The following DNAAF4 variants were observed in gnomAD, a reference collection of about 807,000 sequenced individuals.
DNAAF4 encodes the protein dynein axonemal assembly factor 4.
DNAAF4 carries 43 observed loss-of-function variants against 51.8 expected under a neutral mutation model. The observed-to-expected ratio is 0.83, with a 90% confidence interval of 0.65 to 1.07. The LOEUF (loss-of-function observed/expected upper bound fraction) is 1.07. DNAAF4 is among the 50% of genes least tolerant of loss of function. The probability of loss-of-function intolerance (pLI) is 0.00; values close to 1 mark genes in which losing one functional copy is unlikely to be tolerated. For synonymous variants in DNAAF4, 194 were observed against 165.6 expected (o/e 1.17, Z -1.32); for missense variants, 581 against 493.0 (o/e 1.18, Z -1.69).
chr15:55,436,384 T>C (rs1380625859), intron 7 of DNAAF4, among the ~76,000 whole-genome samples: 1 of 152,128 alleles, frequency 6.6e-6, no homozygotes, highest in Non-Finnish European at 1.5e-5. Flanking sequence ...TTATTATTTT[T>C]TTAATTATTA....
chr15:55,428,993 A>G (rs1484055725), downstream of DNAAF4, among the ~76,000 whole-genome samples: 3 of 148,024 alleles, frequency 2.0e-5, no homozygotes, highest in East Asian at 4.2e-4. Context: ...AGGCTGAGGC[A>G]GGCAGACCAC....
chr15:55,457,813 C>T (rs906115953), intron 5 of DNAAF4, among the ~76,000 whole-genome samples: 5 of 152,212 alleles, frequency 3.3e-5, no homozygotes, highest in African/African-American at 1.2e-4. Context: ...ACTCACCTGC[C>T]ACCACCAGAA....
chr15:55,418,674 A>G, intron 7 of DNAAF4: 1 of 795,722 alleles, frequency 1.3e-6, no homozygotes, highest in Non-Finnish European at 1.9e-6. Flanking sequence ...TTTTGAATCA[A>G]TTTTTAAAAT....
chr15:55,442,623 A>G (rs2057732135), intron 6 of DNAAF4: 8 of 1,512,770 alleles, frequency 5.3e-6, no homozygotes, highest in Admixed American at 3.3e-5. Context: ...GGAGTTCACC[A>G]GCAGCTCTTT....
chr15:55,463,170 T>TCA (rs754178816), intron 5 of DNAAF4, among the ~76,000 whole-genome samples: 9,309 of 119,896 alleles, frequency 0.078, 361 homozygotes, highest in African/African-American at 0.11. Context: ...TGAGACTCTG[T>TCA]CTCACACACA....
chr15:55,484,658 T>C (rs1023090506), intron 4 of DNAAF4, among the ~76,000 whole-genome samples: 7 of 152,070 alleles, frequency 4.6e-5, no homozygotes, highest in African/African-American at 1.4e-4. Flanking sequence ...TAGATATATA[T>C]AAAGGGGAGT....
intron 7 of DNAAF4, chr15:55,418,421 C>G (rs1486751424): frequency 5.9e-6 from 9 of 1,528,286 alleles, no homozygotes; most frequent in Non-Finnish European, 7.9e-6. Flanking sequence ...TCTACCTATT[C>G]CACAGTTTTT....
chr15:55,434,036 T>TTA lies in DNAAF4; in HGVS notation c.1047+867_1047+868dup, dbSNP rs1176352687. Among the ~76,000 whole-genome samples the TTA allele has an allele frequency of 6.2e-3, 622 of 100,258 alleles. 9 individuals are homozygous for TTA. The highest frequency in any genetic ancestry group is 0.023 in the African/African-American group (597 of 26,068). 65.8% of individuals were successfully genotyped at this position (100,258 alleles called of 152,430 possible). A position where few individuals can be genotyped will look rare whatever the true frequency, so the allele number is the denominator to read the frequency against. On this transcript the variant is annotated intron_variant, in intron 8 of 9. Coordinates refer to ENST00000321149, the MANE Select transcript of DNAAF4 (RefSeq NM_130810.4). ...TATATATTCTTATATATAATATATA[T>TTA]TATATATATATATAAAACAAATAAT...
At chr15:55,461,366 G>C (rs748938447) in intron 5 of DNAAF4, among the ~76,000 whole-genome samples, 1 of 152,006 alleles carries the variant, frequency 6.6e-6, no homozygotes, top group African/African-American at 2.4e-5. Flanking sequence ...AAAGTACTGA[G>C]ATTACAGGTG....
At chr15:55,451,810 G>T (rs556121499) in intron 5 of DNAAF4, among the ~76,000 whole-genome samples, 4 of 151,836 alleles carry the variant, frequency 2.6e-5, no homozygotes, top group Non-Finnish European at 5.9e-5. Flanking sequence ...TTGTAGAGAT[G>T]GGGTCTTGTT....
chr15:55,495,893 A>G (rs1420095066), intron 3 of DNAAF4, among the ~76,000 whole-genome samples: 1 of 152,196 alleles, frequency 6.6e-6, no homozygotes, highest in Non-Finnish European at 1.5e-5. Context: ...CAAAGCACTG[A>G]CAACTAGCTT....
intron 7 of DNAAF4, among the ~76,000 whole-genome samples, chr15:55,423,717 C>A (rs904731006): frequency 2.0e-5 from 3 of 152,176 alleles, no homozygotes; most frequent in African/African-American, 7.2e-5. Context: ...CTTTGGGAGG[C>A]TAAGGCCGGT....
At chr15:55,484,883 C>T (rs140471626) in intron 4 of DNAAF4, among the ~76,000 whole-genome samples, 15 of 152,326 alleles carry the variant, frequency 9.8e-5, no homozygotes, top group African/African-American at 3.4e-4. Context: ...ACTAGCCATG[C>T]TGGCAGCCAA....
At position 55,443,450 on chromosome 15, in the gene DNAAF4, A is replaced by T. The variant is rs890178795; in HGVS notation, c.784-3869T>A. The stretch of plus-strand genomic sequence containing the variant: ...ATTTTCTTAATCCAGTCTATCATTG[A>T]TGGACATTTGGGTTGGTTCCAAGTC... On this transcript the variant is annotated intron_variant, in intron 6 of 9. Coordinates refer to ENST00000321149, the MANE Select transcript of DNAAF4 (RefSeq NM_130810.4). 17 of 583,776 alleles carry T rather than the reference A, an allele frequency of 2.9e-5. No homozygotes were observed. The Admixed American group carries it at 4.9e-4, about 17-fold the overall frequency. The allele number at this position is 583,776 out of a possible 1,614,324, so 36.2% of individuals were successfully genotyped here. A position where few individuals can be genotyped will look rare whatever the true frequency, so the allele number is the denominator to read the frequency against.
At chr15:55,429,960 A>G (rs549157043), downstream of DNAAF4, among the ~76,000 whole-genome samples, 3 of 152,310 alleles carry the variant, frequency 2.0e-5, no homozygotes, top group South Asian at 2.1e-4. Flanking sequence ...TACCAATACC[A>G]TAATATTCCA....
intron 7 of DNAAF4, among the ~76,000 whole-genome samples, chr15:55,438,986 C>A (rs2057663707): frequency 6.6e-6 from 1 of 152,132 alleles, no homozygotes; most frequent in African/African-American, 2.4e-5. Context: ...ATTAGAGCCT[C>A]ATTGCCTTGT....
chr15:55,462,547 T>C (rs1246096545), intron 5 of DNAAF4, among the ~76,000 whole-genome samples: 11 of 151,696 alleles, frequency 7.3e-5, no homozygotes, highest in African/African-American at 2.2e-4. Flanking sequence ...ATTAAAACTA[T>C]TTCAAAAGAT....
At chr15:55,419,772 G>A (rs1346319636) in intron 7 of DNAAF4, among the ~76,000 whole-genome samples, 1 of 152,074 alleles carries the variant, frequency 6.6e-6, no homozygotes, top group African/African-American at 2.4e-5. Context: ...CGGGGCTGGT[G>A]GATCACCTGA....
rs537362362 is a variant in DNAAF4 at position 55,448,834 on chromosome 15, C to T, written c.783+1388G>A. Among the ~76,000 whole-genome samples the T allele has an allele frequency of 7.9e-5, 12 of 151,082 alleles. No individual in the cohort carries two copies. The South Asian group carries it at 2.3e-3, about 29-fold the overall frequency. ...GCAGTGAGCGGAGACTGCGCCACTG[C>T]ACTCCAGCCTAGGGGACAGAGCGAG... On this transcript the variant is annotated intron_variant, in intron 6 of 9. Coordinates refer to ENST00000321149, the MANE Select transcript of DNAAF4 (RefSeq NM_130810.4).
Sources: allele counts gnomAD v4.1 joint callset (sites outside exome capture counted in the v4.1 genomes callset), GRCh38; gene constraint gnomAD v4.1.1; transcripts MANE v1.5; gene names NCBI Gene and HGNC (gene_info 2026-07-23, HGNC 2026-07-21).